The following PLCH2 variants were observed in gnomAD, a reference collection of about 807,000 sequenced individuals.
The protein encoded by PLCH2 is phospholipase C eta 2.
In PLCH2, 98 loss-of-function variants were observed where a neutral mutation model predicts 134.7. That is an observed-to-expected ratio of 0.73 (90% CI 0.62 to 0.86). The LOEUF (loss-of-function observed/expected upper bound fraction) is 0.86, where lower values mean the gene tolerates loss of function less well. Ranked by LOEUF, PLCH2 falls within the 40% of genes least tolerant of loss-of-function variation. The pLI, the probability that PLCH2 is intolerant of heterozygous loss-of-function variation, is 0.00. For missense variants in PLCH2, 1,994 were observed against 1,986.6 expected (o/e 1.00, Z -0.07); for synonymous variants, 974 against 827.5 (o/e 1.18, Z -3.04).
chr1:2,497,730 G>A (rs1642976209), intron 16 of PLCH2, 121 bp downstream of exon 16: 4 of 675,888 alleles, frequency 5.9e-6, no homozygotes, highest in Non-Finnish European at 1.0e-5. Flanking sequence ...CTTTGGCAGA[G>A]TCCCCTGGAG....
intron 2 of PLCH2, among the ~76,000 whole-genome samples, chr1:2,436,501 T>A (rs529988019): frequency 0.071 from 1,711 of 24,006 alleles, 264 homozygotes; most frequent in Admixed American, 0.11. Context: ...TCCCTCCTCC[T>A]CCTTTCCTCC....
chr1:2,494,839 C>G lies in PLCH2; in HGVS notation c.1660-17C>G. 1 of 1,576,834 alleles carries G rather than the reference C, an allele frequency of 6.3e-7. No individual in the cohort carries two copies. The highest frequency in any genetic ancestry group is 8.7e-7 in the Non-Finnish European group (1 of 1,155,614). On this transcript the variant is annotated splice_polypyrimidine_tract_variant and intron_variant, in intron 11 of 21. Transcript: ENST00000378486. ...AAGGCTAGACTCACCTTGTCCCTGT[C>G]TCTCCCCTGGACTCAGAGCAAGGCT... is the stretch of plus-strand genomic sequence containing the variant.
intron 1 of PLCH2, among the ~76,000 whole-genome samples, chr1:2,426,515 G>A (rs760760771): frequency 3.9e-5 from 6 of 152,216 alleles, no homozygotes; most frequent in South Asian, 2.1e-4. Flanking sequence ...TCAGAGTGGC[G>A]GAGTCCCCGG....
In PLCH2 at chr1:2,476,497, T is replaced by C; in HGVS notation, c.-92T>C. On this transcript the variant is annotated 5_prime_UTR_variant, in exon 1 of 22. Transcript: ENST00000378486. Reference sequence around the variant, plus strand: ...AGGAGAGAAGGCCCCACGGAGGTCCTGTCGCCAGCGCTGCCACTGCCTGAC... The same window carrying C: ...AGGAGAGAAGGCCCCACGGAGGTCCCGTCGCCAGCGCTGCCACTGCCTGAC... 7.9e-7 allele frequency: 1 copy of C among 1,266,838 alleles called. No homozygotes were observed. The highest frequency in any genetic ancestry group is 1.1e-6 in the Non-Finnish European group (1 of 951,732). 78.5% of individuals were successfully genotyped at this position (1,266,838 alleles called of 1,614,324 possible).
At chr1:2,455,106 C>A (rs899161722) in intron 2 of PLCH2, among the ~76,000 whole-genome samples, 1 of 152,176 alleles carries the variant, frequency 6.6e-6, no homozygotes, top group Non-Finnish European at 1.5e-5. Flanking sequence ...GAGCCCCCAG[C>A]GGAGCCGGGA....
upstream of PLCH2, among the ~76,000 whole-genome samples, chr1:2,464,223 G>A (rs566148241): frequency 1.6e-4 from 24 of 152,314 alleles, no homozygotes; most frequent in African/African-American, 5.8e-4. Context: ...TCGAGTGTTG[G>A]CAGGGGGGCT....
upstream of PLCH2, among the ~76,000 whole-genome samples, chr1:2,423,214 G>A (rs532709787): frequency 6.6e-6 from 1 of 152,190 alleles, no homozygotes; most frequent in South Asian, 2.1e-4. Flanking sequence ...TAGAGACAAG[G>A]TCTTGCTCTG....
At chr1:2,440,938 C>T (rs1639664144) in intron 2 of PLCH2, among the ~76,000 whole-genome samples, 1 of 152,190 alleles carries the variant, frequency 6.6e-6, no homozygotes, top group Non-Finnish European at 1.5e-5. Context: ...CATCTGAGGC[C>T]ACTGAGCTCC....
Position 2,495,473 on chromosome 1 carries a change from C to G in PLCH2, c.1753-15C>G. 6.4e-7 allele frequency: 1 copy of G among 1,550,738 alleles called. No individual in the cohort carries two copies. The highest frequency in any genetic ancestry group is 8.7e-7 in the Non-Finnish European group (1 of 1,146,392). ...GCCAGAGGCCCTACAGCTCACACCT[C>G]TGCCCCCCGCACAGAAGAAGGGCAG... On this transcript the variant is annotated splice_polypyrimidine_tract_variant and intron_variant, in intron 12 of 21. Coordinates refer to ENST00000378486, the MANE Select transcript of PLCH2 (RefSeq NM_014638.4).
Position 2,499,239 on chromosome 1 carries a change from G to A in PLCH2, c.2581+9G>A, listed in dbSNP as rs373170802. ...CAGCAGCATGATGCCAGGTGGGCAG[G>A]AGTGGACACGGTGCCCCCCACACTG... On this transcript the variant is annotated intron_variant, in intron 19 of 21. Transcript: ENST00000378486. The A allele has an allele frequency of 2.7e-4, 437 of 1,612,344 alleles. 3 individuals carry two copies. The highest frequency in any genetic ancestry group is 1.2e-3 in the South Asian group (110 of 91,002).
At chr1:2,436,514 C>T (rs865944017) in intron 2 of PLCH2, among the ~76,000 whole-genome samples, 8 of 61,042 alleles carry the variant, frequency 1.3e-4, no homozygotes, top group East Asian at 1.4e-3. Context: ...TTTCCTCCTT[C>T]CTCCCTCCTC....
At chr1:2,457,600 C>T (rs1444974288) in intron 2 of PLCH2, among the ~76,000 whole-genome samples, 1 of 152,080 alleles carries the variant, frequency 6.6e-6, no homozygotes, top group Admixed American at 6.5e-5. Flanking sequence ...TGCTGGATGG[C>T]CTCCTGCCTC....
chr1:2,504,006 G>A lies in PLCH2; in HGVS notation c.3044G>A (p.Gly1015Asp). Residue 1015 changes from glycine to aspartate, a missense_variant, in exon 22 of 22, where the codon GGT becomes GAT. Gly to Asp is a moderately conservative substitution (Grantham distance 94, BLOSUM62 -1). Coordinates refer to ENST00000378486, the MANE Select transcript of PLCH2 (RefSeq NM_014638.4). ...GCTGAGGAGCCCGCCCCAGGCCCTG[G>A]TCCCCCGCCACCAGCGGCTGTCCCC... ...TIAEEPAPGP[G>D]PPPPAAVPTS... is the part of the protein sequence containing the mutation. 9.2e-6 allele frequency: 14 copies of A among 1,525,180 alleles called. No individual in the cohort carries two copies. The highest frequency in any genetic ancestry group is 1.2e-5 in the Non-Finnish European group (14 of 1,125,222). 94.5% of individuals were successfully genotyped at this position (1,525,180 alleles called of 1,614,324 possible).
intron 1 of PLCH2, among the ~76,000 whole-genome samples, chr1:2,430,162 C>A (rs563049641): frequency 6.6e-6 from 1 of 152,184 alleles, no homozygotes; most frequent in Non-Finnish European, 1.5e-5. Flanking sequence ...TCAGACACAG[C>A]TACCCAGCCC....
chr1:2,479,458 G>A (rs1641830073), intron 2 of PLCH2: 2 of 392,862 alleles, frequency 5.1e-6, no homozygotes, highest in Non-Finnish European at 9.4e-6. Flanking sequence ...GGCACTGGGG[G>A]CTGCAGGTGG....
chr1:2,467,434 T>G (rs1004746240), upstream of PLCH2: 1 of 359,560 alleles, frequency 2.8e-6, no homozygotes. Flanking sequence ...CCGTCCCGCC[T>G]TCCCCTCGCC....
rs538661290 is a variant in PLCH2 at position 2,499,518 on chromosome 1, C to T, written c.2582-123C>T. 30 of 792,390 alleles carry T rather than the reference C, an allele frequency of 3.8e-5. No individual in the cohort carries two copies. The African/African-American group carries it at 4.1e-4, about 11-fold the overall frequency. 49.1% of individuals were successfully genotyped at this position (792,390 alleles called of 1,614,324 possible). A position where few individuals can be genotyped will look rare whatever the true frequency, so the allele number is the denominator to read the frequency against. Reference sequence around the variant, plus strand: ...TGCTGGGCCCACAGGAGGCAGAGGCCCCAGGCCTGGGCTTGTTGGGTGTAT... The same window carrying T: ...TGCTGGGCCCACAGGAGGCAGAGGCTCCAGGCCTGGGCTTGTTGGGTGTAT... On this transcript the variant is annotated intron_variant, in intron 19 of 21. Coordinates refer to ENST00000378486, the MANE Select transcript of PLCH2 (RefSeq NM_014638.4).
intron 5 of PLCH2, among the ~76,000 whole-genome samples, chr1:2,485,068 C>T (rs932035827): frequency 9.9e-5 from 15 of 152,078 alleles, no homozygotes; most frequent in Non-Finnish European, 1.9e-4. Context: ...CTGGCTGACT[C>T]GCTCCCCTAG....
chr1:2,427,385 CT>C (rs1477759447), intron 1 of PLCH2, among the ~76,000 whole-genome samples: 2 of 152,186 alleles, frequency 1.3e-5, no homozygotes, highest in African/African-American at 2.4e-5. Flanking sequence ...TCAGCCGCCC[CT>C]GCTGGTGGTT....
Sources: gnomAD v4.1 joint callset for allele counts (sites outside exome capture counted in the v4.1 genomes callset) on GRCh38, gnomAD v4.1.1 for gene constraint, MANE v1.5 for transcripts, NCBI Gene and HGNC (gene_info 2026-07-23, HGNC 2026-07-21) for gene names.